The following SLC44A5 variants were observed in gnomAD, a reference collection of about 807,000 sequenced individuals.
The protein encoded by SLC44A5 is choline transporter-like protein 5.
Under a neutral mutation model 101.8 loss-of-function variants are expected in SLC44A5, and 57 were observed. That is an observed-to-expected ratio of 0.56 (90% CI 0.45 to 0.70). SLC44A5 has a LOEUF of 0.70. Ranked by LOEUF, SLC44A5 falls within the 30% of genes least tolerant of loss-of-function variation. The pLI is 0.00. For synonymous variants in SLC44A5, 281 were observed against 290.9 expected (o/e 0.97, Z 0.35); for missense variants, 737 against 853.1 (o/e 0.86, Z 1.70).
the SLC44A5 span, among the ~76,000 whole-genome samples, chr1:75,658,831 G>T: frequency 2.0e-5 from 3 of 151,686 alleles, no homozygotes; most frequent in Non-Finnish European, 4.4e-5. Flanking sequence ...GATCAGAAAA[G>T]GAAAATTTGG....
At chr1:75,243,891 GTGA>G (rs1355667625) in intron 7 of SLC44A5, among the ~76,000 whole-genome samples, 1 of 151,964 alleles carries the variant, frequency 6.6e-6, no homozygotes, top group Admixed American at 6.6e-5. Flanking sequence ...CCTTGTTCTT[GTGA>G]TGATGAGTAG....
At chr1:75,641,183 G>A in the SLC44A5 span, among the ~76,000 whole-genome samples, 1 of 151,930 alleles carries the variant, frequency 6.6e-6, no homozygotes, top group South Asian at 2.1e-4. Flanking sequence ...GCATATTTGT[G>A]TCTATTACTT....
At chr1:75,586,707 G>C (rs74091769) in intron 1 of SLC44A5, among the ~76,000 whole-genome samples, 23,374 of 151,984 alleles carry the variant, frequency 0.15, 2,048 homozygotes, top group Admixed American at 0.23. Flanking sequence ...TAACAGCCTT[G>C]AATTGAAATG....
At chr1:75,220,861 A>G (rs1647063550) in intron 14 of SLC44A5, among the ~76,000 whole-genome samples, 1 of 152,104 alleles carries the variant, frequency 6.6e-6, no homozygotes, top group African/African-American at 2.4e-5. Flanking sequence ...TCTTTTCTCC[A>G]TACACTGCTA....
chr1:75,516,571 T>C (rs970714638), intron 2 of SLC44A5, among the ~76,000 whole-genome samples: 1 of 152,100 alleles, frequency 6.6e-6, no homozygotes, highest in African/African-American at 2.4e-5. Flanking sequence ...GTGGATTACA[T>C]GAGGTCAAGG....
chr1:75,720,099 T>C, the SLC44A5 span, among the ~76,000 whole-genome samples: 1 of 152,230 alleles, frequency 6.6e-6, no homozygotes, highest in African/African-American at 2.4e-5. Flanking sequence ...TTTGATGTTA[T>C]TGTATTTCAA....
At chr1:75,267,468 T>G (rs1260789649) in intron 6 of SLC44A5, among the ~76,000 whole-genome samples, 2 of 152,168 alleles carry the variant, frequency 1.3e-5, no homozygotes, top group Non-Finnish European at 2.9e-5. Flanking sequence ...AAACTTGCAA[T>G]GCACATAAAC....
At chr1:75,376,309 G>A (rs1376877846) in intron 3 of SLC44A5, among the ~76,000 whole-genome samples, 2 of 152,234 alleles carry the variant, frequency 1.3e-5, no homozygotes, top group African/African-American at 4.8e-5. Flanking sequence ...AAGCAGCCAG[G>A]AAGCTCCAAC....
rs149382436 is a variant in SLC44A5, at chr1:75,261,445, T to C, written c.261-10151A>G. ...AGAAATGGATAACTTCCTGGACACA[T>C]ACACCCTCCCAAGACTAAACCAGGG... On this transcript the variant is annotated intron_variant, in intron 6 of 23. Transcript: ENST00000370859. Among the ~76,000 whole-genome samples the C allele has an allele frequency of 8.1e-3, 1,232 of 152,058 alleles. 22 individuals are homozygous for C. Among genetic ancestry groups the C allele is most frequent in the African/African-American group, 0.028 (1,166 of 41,446 alleles).
chr1:75,471,088 A>T (rs1667083001), intron 2 of SLC44A5, among the ~76,000 whole-genome samples: 1 of 152,168 alleles, frequency 6.6e-6, no homozygotes, highest in Admixed American at 6.6e-5. Flanking sequence ...TATTCCCTGG[A>T]CTTGGAAAGT....
At chr1:75,275,268 G>A (rs1301296509) in intron 5 of SLC44A5, among the ~76,000 whole-genome samples, 1 of 152,136 alleles carries the variant, frequency 6.6e-6, no homozygotes, top group Non-Finnish European at 1.5e-5. Flanking sequence ...CAGCTGGGTT[G>A]TAGCCAAAAC....
At chr1:75,667,490 A>G in the SLC44A5 span, among the ~76,000 whole-genome samples, 1 of 152,196 alleles carries the variant, frequency 6.6e-6, no homozygotes, top group African/African-American at 2.4e-5. Flanking sequence ...TATCATGAAA[A>G]TGGCCATACT....
intron 1 of SLC44A5, among the ~76,000 whole-genome samples, chr1:75,573,127 CAAAAAAAAAAA>C (rs745593621): frequency 6.0e-5 from 1 of 16,688 alleles, no homozygotes; most frequent in African/African-American, 2.5e-4. Context: ...GGCTCCATCT[CAAAAAAAAAAA>C]AAAAAAAAAA....
chr1:75,696,892 A>T, the SLC44A5 span, among the ~76,000 whole-genome samples: 1 of 147,542 alleles, frequency 6.8e-6, no homozygotes, highest in East Asian at 2.0e-4. Flanking sequence ...CTGTCTCAGA[A>T]AAAAAAAAAA....
chr1:75,662,222 C>T, the SLC44A5 span, among the ~76,000 whole-genome samples: 1 of 152,046 alleles, frequency 6.6e-6, no homozygotes, highest in Admixed American at 6.5e-5. Context: ...AAGTGGGGGA[C>T]ATTATGTTAA....
intron 12 of SLC44A5, among the ~76,000 whole-genome samples, chr1:75,232,624 A>C (rs2100562792): frequency 6.6e-6 from 1 of 152,074 alleles, no homozygotes; most frequent in South Asian, 2.1e-4. Context: ...TTTACTAAAA[A>C]CTCATTGGAG....
chr1:75,272,231 T>C (rs1466640574), intron 6 of SLC44A5, among the ~76,000 whole-genome samples: 2 of 152,118 alleles, frequency 1.3e-5, no homozygotes, highest in African/African-American at 4.8e-5. Flanking sequence ...GTCAGATGCA[T>C]AGTTTGCAAA....
intron 23 of SLC44A5, among the ~76,000 whole-genome samples, chr1:75,210,999 C>T (rs1646841985): frequency 6.6e-6 from 1 of 152,084 alleles, no homozygotes; most frequent in South Asian, 2.1e-4. Flanking sequence ...ATGTCCATAA[C>T]CTCCCATAGT....
the SLC44A5 span, among the ~76,000 whole-genome samples, chr1:75,671,424 C>T: frequency 2.1e-5 from 3 of 146,310 alleles, no homozygotes; most frequent in Non-Finnish European, 4.6e-5. Context: ...ATATACGCAT[C>T]CAGGAGTTAG....
Sources: allele counts gnomAD v4.1 joint callset (sites outside exome capture counted in the v4.1 genomes callset), GRCh38; gene constraint gnomAD v4.1.1; transcripts MANE v1.5; gene names NCBI Gene and HGNC (gene_info 2026-07-23, HGNC 2026-07-21).